The following MGST1 variants were observed in gnomAD, a reference collection of about 807,000 sequenced individuals.
MGST1 encodes microsomal glutathione S-transferase 1.
Under a neutral mutation model 8.9 loss-of-function variants are expected in MGST1, and 5 were observed. The ratio of observed to expected loss-of-function variants is 0.56; its 90% CI spans 0.29 to 1.19. MGST1 has a LOEUF of 1.19. Among genes scored for constraint, MGST1 ranks in the 50% most tolerant of loss-of-function variants. MGST1 has a pLI of 0.08. For synonymous variants in MGST1, 54 were observed against 67.8 expected (o/e 0.80, Z 1.00); for missense variants, 182 against 187.4 (o/e 0.97, Z 0.17).
At chr12:16,543,863 A>G (rs1042622947) in intron 4 of MGST1, among the ~76,000 whole-genome samples, 1 of 152,118 alleles carries the variant, frequency 6.6e-6, no homozygotes, top group African/African-American at 2.4e-5. Flanking sequence ...AACCTTAAAA[A>G]TAATAACTAA....
Position 16,389,655 on chromosome 12 carries a change from T to A in MGST1, n.778+6051T>A, listed in dbSNP as rs1176636585. Among the ~76,000 whole-genome samples the A allele has an allele frequency of 1.3e-5, 2 of 152,188 alleles. No individual in the cohort carries two copies. Among genetic ancestry groups the A allele is most frequent in the African/African-American group, 2.4e-5 (1 of 41,446 alleles). ...GGAGGGACTACAGAGAAGCAAGGAT[T>A]CCAGATGGAGGGAGAGTTTGGAATG... On this transcript the variant is annotated intron_variant and non_coding_transcript_variant, in intron 1 of 1. Transcript: ENST00000359720. This position sits in a 1 kb window ranked among gnomAD's most constrained non-coding sequence, Gnocchi z 4.6.
At chr12:16,577,845 C>A (rs1591802396) in intron 4 of MGST1, among the ~76,000 whole-genome samples, 1 of 152,284 alleles carries the variant, frequency 6.6e-6, no homozygotes, top group South Asian at 2.1e-4. Flanking sequence ...TTCTTTCTAA[C>A]TTTCTTCTAA....
chr12:16,556,563 C>T (rs1942197526), intron 4 of MGST1, among the ~76,000 whole-genome samples: 1 of 152,182 alleles, frequency 6.6e-6, no homozygotes, highest in South Asian at 2.1e-4. Context: ...CGTAATTCCA[C>T]AACTTTAGAC....
At chr12:16,456,701 C>T (rs576827393) in intron 4 of MGST1, among the ~76,000 whole-genome samples, 1 of 152,018 alleles carries the variant, frequency 6.6e-6, no homozygotes, top group African/African-American at 2.4e-5. Flanking sequence ...GAGTCACCTC[C>T]CCTACGTACT....
chr12:16,468,655 G>T (rs1941270920), intron 4 of MGST1, among the ~76,000 whole-genome samples: 1 of 152,056 alleles, frequency 6.6e-6, no homozygotes, highest in Non-Finnish European at 1.5e-5. Context: ...ATCCCTGTTG[G>T]GTCTGTTGGA....
chr12:16,537,111 G>A lies in MGST1; in HGVS notation n.483-52417G>A, dbSNP rs146318532. 1.3e-3 allele frequency among the ~76,000 whole-genome samples: 196 copies of A among 152,268 alleles called. 3 individuals are homozygous for A. The East Asian group carries it at 0.032, about 25-fold the overall frequency. ...GTTAGTTACTTCCTAGATACAACGG[G>A]GATACAGGTATTGGGTAAATACAGC... On this transcript the variant is annotated intron_variant and non_coding_transcript_variant, in intron 4 of 4. Coordinates refer to the MGST1 transcript ENST00000538857. This position sits in a 1 kb window ranked among gnomAD's most constrained non-coding sequence, Gnocchi z 4.6.
At chr12:16,358,711 A>G (rs1301713036) in intron 3 of MGST1, among the ~76,000 whole-genome samples, 1 of 138,356 alleles carries the variant, frequency 7.2e-6, no homozygotes, top group Non-Finnish European at 1.5e-5. Context: ...CAGGTGATCC[A>G]CCCACCTTGG....
At chr12:16,466,507 TA>T (rs1360492392) in intron 4 of MGST1, among the ~76,000 whole-genome samples, 2 of 152,198 alleles carry the variant, frequency 1.3e-5, no homozygotes, top group Non-Finnish European at 2.9e-5. Context: ...GTCTTAGATT[TA>T]AAACCTTGAT....
chr12:16,570,230 TGTAA>T (rs1331049561), intron 4 of MGST1, among the ~76,000 whole-genome samples: 1 of 152,182 alleles, frequency 6.6e-6, no homozygotes, highest in Non-Finnish European at 1.5e-5. Context: ...AAACTTTTTA[TGTAA>T]GTAATACTTT....
chr12:16,464,993 G>T (rs1941243855), intron 4 of MGST1, among the ~76,000 whole-genome samples: 1 of 152,100 alleles, frequency 6.6e-6, no homozygotes, highest in African/African-American at 2.4e-5. Context: ...TTTATACTTG[G>T]AATAACAAAC....
downstream of MGST1, among the ~76,000 whole-genome samples, chr12:16,379,120 C>T (rs1467760763): frequency 2.0e-5 from 3 of 152,072 alleles, no homozygotes; most frequent in African/African-American, 7.2e-5. Context: ...TCCTCTTTTC[C>T]TAATTGAATA....
intron 1 of MGST1, among the ~76,000 whole-genome samples, chr12:16,421,385 G>A (rs75697945): frequency 0.022 from 3,395 of 152,172 alleles, 123 homozygotes; most frequent in African/African-American, 0.076. Context: ...TTTGTTCTCC[G>A]GTTAAAACAC....
At chr12:16,550,246 C>T (rs939141491) in intron 4 of MGST1, 8 of 152,244 alleles carry the variant, frequency 5.3e-5, no homozygotes, top group East Asian at 1.9e-4. Flanking sequence ...GTTATGAAAC[C>T]CTCAGCTCTT....
At position 16,498,108 on chromosome 12, in the gene MGST1, T is replaced by TAACATATCATTGTTATCATA. The variant is rs1941481606; in HGVS notation, n.483-91420_483-91419insAACATATCATTGTTATCATA. 2.6e-5 allele frequency among the ~76,000 whole-genome samples: 4 copies of TAACATATCATTGTTATCATA among 152,294 alleles called. No homozygotes were observed. In the South Asian group the frequency reaches 8.3e-4, roughly 32 times the overall value. ...CATCATAACATATCATTGTGAAGGA[T>TAACATATCATTGTTATCATA]TCCAATGTACTTTCAAATAAAAGGA... is the stretch of plus-strand genomic sequence containing the variant. On this transcript the variant is annotated intron_variant and non_coding_transcript_variant, in intron 4 of 4. Transcript: ENST00000538857.
At chr12:16,354,581 T>G in intron 2 of MGST1, 1 of 401,626 alleles carries the variant, frequency 2.5e-6, no homozygotes, top group Admixed American at 4.7e-5. Context: ...GTAAATGGTT[T>G]TTTCATTATG....
chr12:16,430,729 G>A (rs905027233), intron 1 of MGST1, among the ~76,000 whole-genome samples: 1 of 152,136 alleles, frequency 6.6e-6, no homozygotes, highest in African/African-American at 2.4e-5. Context: ...ATCATAGACA[G>A]AGTAGATTTA....
intron 4 of MGST1, among the ~76,000 whole-genome samples, chr12:16,516,485 C>T (rs757399768): frequency 1.3e-5 from 2 of 152,074 alleles, no homozygotes; most frequent in Non-Finnish European, 2.9e-5. Flanking sequence ...CTCTCTGTGG[C>T]CATGAATTAG....
intron 3 of MGST1, 97 bp downstream of exon 3, chr12:16,357,796 A>C: frequency 1.1e-6 from 1 of 870,820 alleles, no homozygotes; most frequent in Non-Finnish European, 1.8e-6. Context: ...TGAGGAAAAA[A>C]AGTGAGACCT....
chr12:16,461,064 A>G (rs893053504), intron 4 of MGST1, among the ~76,000 whole-genome samples: 1 of 152,062 alleles, frequency 6.6e-6, no homozygotes, highest in Non-Finnish European at 1.5e-5. Context: ...AATAGAAGTG[A>G]TAAAGTAATA....
Sources: gnomAD v4.1 joint callset for allele counts (sites outside exome capture counted in the v4.1 genomes callset) on GRCh38, gnomAD v4.1.1 for gene constraint, Gnocchi (gnomAD v3.1) non-coding constraint, MANE v1.5 for transcripts, NCBI Gene and HGNC (gene_info 2026-07-23, HGNC 2026-07-21) for gene names.